Variants in MYOF observed in about 807,000 individuals in gnomAD.
The protein encoded by MYOF is fer-1-like 3, myoferlin.
A neutral mutation model predicts 284.2 loss-of-function variants in MYOF; 244 were observed. That is an observed-to-expected ratio of 0.86 (90% confidence interval 0.77 to 0.95). The LOEUF is 0.95. Ranked by LOEUF, MYOF falls within the 40% of genes least tolerant of loss-of-function variation. The pLI is 0.00. For missense variants in MYOF, 2,496 were observed against 2,560.6 expected, an observed-to-expected ratio of 0.97 and a Z score of 0.54; for synonymous variants, 904 against 919.7, an observed-to-expected ratio of 0.98 and a Z score of 0.31.
intron 3 of MYOF, among the ~76,000 whole-genome samples, chr10:93,432,661 C>A (rs914525765): frequency 6.6e-6 from 1 of 152,158 alleles, no homozygotes; most frequent in African/African-American, 2.4e-5. Flanking sequence ...AGTGTGTGTA[C>A]TTCTCTCTTC....
chr10:93,312,247 A>G (rs1032508513), intron 51 of MYOF, among the ~76,000 whole-genome samples: 8 of 152,254 alleles, frequency 5.3e-5, no homozygotes, highest in Non-Finnish European at 1.2e-4. Context: ...TATTGCTTCT[A>G]GATCAAAATA....
chr10:93,328,897 G>A lies in MYOF; in HGVS notation c.4997C>T (p.Thr1666Ile), dbSNP rs1843177602. 6.2e-7 allele frequency: 1 copy of A among 1,610,426 alleles called. No individual in the cohort carries two copies. The highest frequency in any genetic ancestry group is 8.5e-7 in the Non-Finnish European group (1 of 1,177,282). ...TGTTGGTCTCAGTTGATCTCGCCAG[G>A]TATTGACTCCAGAACTGTGAATAGC... is the stretch of plus-strand genomic sequence containing the variant. The part of the protein sequence containing the change: ...PEEYCVSGVN[T>I]WRDQLRPTQL... Residue 1666 changes from threonine (T) to isoleucine (I), a missense_variant, in exon 45 of 54, where the codon ACC (threonine) becomes ATC (isoleucine). This residue lies in a region of MYOF where 2,436 missense variants were observed against 2,480.7 expected (regional missense o/e 0.98). Coordinates refer to ENST00000359263, the MANE Select transcript of MYOF (RefSeq NM_013451.4).
Position 93,385,279 on chromosome 10 carries a change from C to T in MYOF, c.1698+2518G>A, listed in dbSNP as rs1040506872. 1.1e-4 allele frequency among the ~76,000 whole-genome samples: 16 copies of T among 152,282 alleles called. 1 individual carries two copies. Among genetic ancestry groups the T allele is most frequent in the African/African-American group, 3.6e-4 (15 of 41,552 alleles). On this transcript the variant is annotated intron_variant, in intron 19 of 53. Transcript: ENST00000359263. ...TGGCAACACTTGATCTTCTGTCTGC[C>T]TGATTCTTACTGTGGAAGTGGCCAG...
At chr10:93,402,705 T>C (rs987238509) in intron 10 of MYOF, among the ~76,000 whole-genome samples, 155 bp downstream of exon 10, 1 of 152,224 alleles carries the variant, frequency 6.6e-6, no homozygotes, top group Non-Finnish European at 1.5e-5. Flanking sequence ...CCACTAAGTA[T>C]CCTCTCCTCT....
At chr10:93,478,840 A>AAGAAAGAAAG (rs10666333) in intron 1 of MYOF, among the ~76,000 whole-genome samples, 12 of 78,064 alleles carry the variant, frequency 1.5e-4, no homozygotes, top group African/African-American at 5.1e-4. Flanking sequence ...AAAAAAAAAA[A>AAGAAAGAAAG]AAAGAAAGAA....
At chr10:93,312,786 A>C (rs1223111852) in intron 51 of MYOF, among the ~76,000 whole-genome samples, 1 of 152,124 alleles carries the variant, frequency 6.6e-6, no homozygotes. Context: ...CTACTTTTTG[A>C]CCATTCCAAC....
At chr10:93,406,908 G>T (rs1847623605) in intron 7 of MYOF, among the ~76,000 whole-genome samples, 1 of 152,112 alleles carries the variant, frequency 6.6e-6, no homozygotes, top group Non-Finnish European at 1.5e-5. Context: ...GAGGTAGTGT[G>T]GTAAGACAGG....
intron 1 of MYOF, among the ~76,000 whole-genome samples, chr10:93,457,511 G>A (rs548170997): frequency 3.3e-5 from 5 of 152,240 alleles, no homozygotes; most frequent in South Asian, 2.1e-4. Flanking sequence ...CCTTTACTCC[G>A]AGGCCACCTT....
intron 44 of MYOF, 79 bp downstream of exon 44, chr10:93,329,585 T>C: frequency 6.8e-7 from 1 of 1,475,998 alleles, no homozygotes; most frequent in Non-Finnish European, 9.4e-7. Flanking sequence ...AGGAAGGCAC[T>C]AAGGTAGAGG....
rs755453390 is a variant in MYOF, at chr10:93,361,551, C to G, written c.2875G>C (p.Asp959His). The G allele has an allele frequency of 2.5e-6, 4 of 1,614,120 alleles. No individual in the cohort carries two copies. The Admixed American group carries it at 6.7e-5, about 27-fold the overall frequency. ...AACTCGCTGGGTGATGCTGCTTTATCGCCGTTCTTACAAAACAAAAATAAA... is the reference window on the plus strand; with the variant it reads ...AACTCGCTGGGTGATGCTGCTTTATGGCCGTTCTTACAAAACAAAAATAAA... ...AEDTYTDANGDKAASPSELTC... is the reference protein window; with the variant it reads ...AEDTYTDANGHKAASPSELTC... The change falls in exon 28 of 54, where the codon GAT becomes CAT. Residue 959 changes from aspartate (D) to histidine (H), a missense_variant. Coordinates refer to ENST00000359263, the MANE Select transcript of MYOF (RefSeq NM_013451.4).
intron 29 of MYOF, among the ~76,000 whole-genome samples, chr10:93,358,076 G>A (rs1406935651): frequency 6.6e-6 from 1 of 152,124 alleles, no homozygotes; most frequent in African/African-American, 2.4e-5. Flanking sequence ...CTAATATCCA[G>A]AATCTACAAG....
chr10:93,448,781 G>A (rs558146365), intron 3 of MYOF, among the ~76,000 whole-genome samples: 1 of 152,306 alleles, frequency 6.6e-6, no homozygotes, highest in Admixed American at 6.5e-5. Flanking sequence ...GATCACTTGA[G>A]GTCAGGAGTT....
chr10:93,457,828 G>C (rs1022564023), intron 1 of MYOF, among the ~76,000 whole-genome samples: 1 of 150,044 alleles, frequency 6.7e-6, no homozygotes, highest in Non-Finnish European at 1.5e-5. Flanking sequence ...CTGCCTCCCA[G>C]CTCAAGAGAT....
At chr10:93,446,173 T>G (rs918486123) in intron 3 of MYOF, among the ~76,000 whole-genome samples, 14 of 152,148 alleles carry the variant, frequency 9.2e-5, no homozygotes, top group Non-Finnish European at 2.1e-4. Flanking sequence ...AAATCATGCC[T>G]TGTTCATTAC....
At chr10:93,346,695 C>G (rs1160957763) in intron 37 of MYOF, among the ~76,000 whole-genome samples, 1 of 152,256 alleles carries the variant, frequency 6.6e-6, no homozygotes, top group Non-Finnish European at 1.5e-5. Context: ...CTCCTCCTCT[C>G]TCAGTGTTCA....
intron 53 of MYOF, among the ~76,000 whole-genome samples, chr10:93,308,681 T>C (rs1462654792): frequency 2.0e-5 from 3 of 150,704 alleles, no homozygotes; most frequent in Admixed American, 2.0e-4. Flanking sequence ...TGGGGAAAAA[T>C]GAAGACACAA....
intron 38 of MYOF, among the ~76,000 whole-genome samples, chr10:93,343,448 T>A (rs114345149): frequency 4.1e-4 from 62 of 152,368 alleles, no homozygotes; most frequent in African/African-American, 1.5e-3. Context: ...TGCAATGCTA[T>A]AAATTTGCTT....
chr10:93,375,486 G>T (rs1476277331), intron 22 of MYOF, among the ~76,000 whole-genome samples: 2 of 152,240 alleles, frequency 1.3e-5, no homozygotes, highest in Non-Finnish European at 2.9e-5. Context: ...GTGATGTAAT[G>T]ATGAACATAG....
At chr10:93,393,010 A>T in intron 16 of MYOF, 55 bp from the exon 17 acceptor site, 1 of 1,487,256 alleles carries the variant, frequency 6.7e-7, no homozygotes, top group Non-Finnish European at 9.3e-7. Flanking sequence ...ATTATAAAAC[A>T]GACATTGAAA....
Sources: gnomAD v4.1 joint callset for allele counts (sites outside exome capture counted in the v4.1 genomes callset) on GRCh38, gnomAD v4.1.1 for gene constraint, gnomAD v4.1.1 regional missense constraint, MANE v1.5 for transcripts, NCBI Gene and HGNC (gene_info 2026-07-23, HGNC 2026-07-21) for gene names.